Variants in EPC2 observed in about 807,000 individuals in gnomAD.
The protein encoded by EPC2 is enhancer of polycomb homolog 2.
In EPC2, 14 loss-of-function variants were observed where a neutral mutation model predicts 92.1. The observed-to-expected ratio is 0.15, with a 90% CI of 0.10 to 0.24. The LOEUF is 0.24. Ranked by LOEUF, EPC2 falls within the 10% of genes least tolerant of loss-of-function variation. The probability of loss-of-function intolerance (pLI) is 1.00; values close to 1 mark genes in which losing one functional copy is unlikely to be tolerated. For synonymous variants in EPC2, 340 were observed against 334.7 expected (o/e 1.02, Z -0.17); for missense variants, 755 against 971.5 (o/e 0.78, Z 2.96).
At chr2:148,693,748 G>A (rs1681686745) in intron 2 of EPC2, among the ~76,000 whole-genome samples, 2 of 152,158 alleles carry the variant, frequency 1.3e-5, no homozygotes. Context: ...AGCTCTTTGA[G>A]TTATGCCTTA....
chr2:148,681,925 A>G (rs541262981), intron 1 of EPC2, among the ~76,000 whole-genome samples: 4 of 151,930 alleles, frequency 2.6e-5, no homozygotes, highest in East Asian at 3.9e-4. Flanking sequence ...CTTGTGTCCA[A>G]GTGTTCTCAT....
intron 1 of EPC2, among the ~76,000 whole-genome samples, chr2:148,661,067 A>G (rs1299969546): frequency 2.6e-5 from 4 of 152,014 alleles, no homozygotes; most frequent in Non-Finnish European, 2.9e-5. Context: ...ATTTTTTCAT[A>G]TGAACTTTAT....
rs1039929494 is a variant in EPC2 at position 148,784,967 on chromosome 2, G to A, written c.2317G>A (p.Val773Ile). ...VAASMDRVPKVTPSSAISSIA... is the reference protein window; with the variant it reads ...VAASMDRVPKITPSSAISSIA... ...TGCCAGTATGGACAGAGTGCCAAAG[G>A]TTACTCCCAGCAGTGCCATCAGCAG... Residue 773 changes from valine to isoleucine, a missense_variant, in exon 13 of 14, where the codon GTT becomes ATT. Val to Ile is a conservative substitution (Grantham distance 29). Transcript: ENST00000258484. 3.8e-5 allele frequency: 58 copies of A among 1,536,760 alleles called. No homozygotes were observed. The highest frequency in any genetic ancestry group is 4.9e-5 in the Non-Finnish European group (56 of 1,140,594).
At chr2:148,692,305 A>G (rs535433953) in intron 2 of EPC2, 44 of 155,552 alleles carry the variant, frequency 2.8e-4, no homozygotes, top group Non-Finnish European at 5.4e-4. Context: ...GACTCACCAT[A>G]CTTTATTGCA....
intron 2 of EPC2, among the ~76,000 whole-genome samples, chr2:148,718,072 C>T (rs561139239): frequency 2.6e-5 from 4 of 152,236 alleles, no homozygotes; most frequent in Admixed American, 6.5e-5. Flanking sequence ...ACCCCTGCTT[C>T]GTTCTGTTTC....
chr2:148,771,156 T>A lies in EPC2; in HGVS notation c.1489T>A (p.Phe497Ile), dbSNP rs770896107. 3.1e-6 allele frequency: 5 copies of A among 1,613,902 alleles called. No homozygotes were observed. The East Asian group carries it at 8.9e-5, about 29-fold the overall frequency. ...SSQTIDFSSN[F>I]SRTNASSKHC... ...CCAAACTATAGACTTTTCTTCTAAT[T>A]TCTCTCGGACCAATGCTTCCAGTAA... The change falls in exon 10 of 14, where the codon TTC becomes ATC. Residue 497 changes from phenylalanine to isoleucine, a missense_variant. Phe to Ile is a conservative substitution (Grantham distance 21, BLOSUM62 0). Transcript: ENST00000258484.
At chr2:148,775,536 T>C (rs955262237) in intron 10 of EPC2, among the ~76,000 whole-genome samples, 2 of 151,094 alleles carry the variant, frequency 1.3e-5, no homozygotes, top group Non-Finnish European at 3.0e-5. Flanking sequence ...TTTCTTTTCT[T>C]ACCTGTCATA....
intron 2 of EPC2, among the ~76,000 whole-genome samples, chr2:148,707,611 C>T (rs1356353380): frequency 6.6e-6 from 1 of 152,170 alleles, no homozygotes; most frequent in South Asian, 2.1e-4. Context: ...AAGCATTCCT[C>T]AGCAAATGTA....
intron 10 of EPC2, among the ~76,000 whole-genome samples, chr2:148,776,843 C>G (rs1683653862): frequency 7.1e-6 from 1 of 140,930 alleles, no homozygotes; most frequent in African/African-American, 2.7e-5. Context: ...ATAGCAAGAC[C>G]CTGTCTCTCT....
intron 1 of EPC2, 137 bp from the exon 2 acceptor site, chr2:148,690,077 A>T: frequency 1.4e-6 from 1 of 736,874 alleles, no homozygotes; most frequent in Non-Finnish European, 2.1e-6. Context: ...ATGTAACTGT[A>T]GGTCTTTGGC....
At chr2:148,752,621 AATTGTGACATGG>A (rs1274355326) in intron 3 of EPC2, among the ~76,000 whole-genome samples, 5 of 152,174 alleles carry the variant, frequency 3.3e-5, no homozygotes, top group Non-Finnish European at 7.3e-5. Flanking sequence ...CACTAAATGT[AATTGTGACATGG>A]ACTACAATAC....
At chr2:148,677,828 C>T (rs1463973543) in intron 1 of EPC2, among the ~76,000 whole-genome samples, 1 of 151,748 alleles carries the variant, frequency 6.6e-6, no homozygotes, top group East Asian at 1.9e-4. Context: ...GTTTGTTCCT[C>T]CCGGTGGGCT....
intron 1 of EPC2, among the ~76,000 whole-genome samples, chr2:148,669,761 A>G (rs202053765): frequency 6.6e-6 from 1 of 152,110 alleles, no homozygotes; most frequent in East Asian, 1.9e-4. Context: ...TGCTCTTTTA[A>G]TTTGTTAGGG....
At chr2:148,776,235 C>T (rs1178366074) in intron 10 of EPC2, among the ~76,000 whole-genome samples, 5 of 152,170 alleles carry the variant, frequency 3.3e-5, no homozygotes. Context: ...GATTTAACAT[C>T]TAGCTAAGGG....
intron 1 of EPC2, among the ~76,000 whole-genome samples, chr2:148,646,672 A>T: frequency 6.6e-6 from 1 of 152,026 alleles, no homozygotes; most frequent in East Asian, 1.9e-4. Context: ...ATCATATTAT[A>T]TACAATAGTT....
intron 1 of EPC2, among the ~76,000 whole-genome samples, chr2:148,682,593 C>T (rs1318948296): frequency 6.6e-6 from 1 of 152,060 alleles, no homozygotes; most frequent in African/African-American, 2.4e-5. Flanking sequence ...TGCAGAGAGT[C>T]GAGTTACTCA....
intron 1 of EPC2, among the ~76,000 whole-genome samples, chr2:148,651,321 C>T (rs1388037236): frequency 1.3e-5 from 2 of 152,188 alleles, no homozygotes; most frequent in East Asian, 1.9e-4. Flanking sequence ...GGATAGCACT[C>T]TGATGTTGCT....
intron 1 of EPC2, among the ~76,000 whole-genome samples, chr2:148,682,931 CTT>C (rs1681433994): frequency 6.6e-6 from 1 of 152,100 alleles, no homozygotes; most frequent in Admixed American, 6.5e-5. Context: ...TAATGTGTCT[CTT>C]TTGGCAAAAT....
intron 3 of EPC2, among the ~76,000 whole-genome samples, chr2:148,748,586 G>A (rs1020655245): frequency 1.3e-5 from 2 of 151,960 alleles, no homozygotes; most frequent in African/African-American, 4.8e-5. Context: ...TTCACATTTT[G>A]GAATATTTAC....
Sources: allele counts gnomAD v4.1 joint callset (sites outside exome capture counted in the v4.1 genomes callset), GRCh38; gene constraint gnomAD v4.1.1; transcripts MANE v1.5; gene names NCBI Gene and HGNC (gene_info 2026-07-23, HGNC 2026-07-21).